The following PAK1IP1 variants were observed in gnomAD, a reference collection of about 807,000 sequenced individuals.
PAK1IP1 encodes the protein p21-activated protein kinase-interacting protein 1.
In PAK1IP1, 24 loss-of-function variants were observed where a neutral mutation model predicts 42.0. The ratio of observed to expected loss-of-function variants is 0.57; its 90% CI spans 0.41 to 0.80. The LOEUF is 0.80. Among genes scored for constraint, PAK1IP1 ranks in the 30% least tolerant of loss-of-function variants. The pLI is 0.00. For synonymous variants in PAK1IP1, 154 were observed against 156.7 expected, an observed-to-expected ratio of 0.98 and a Z score of 0.13; for missense variants, 411 against 467.9, an observed-to-expected ratio of 0.88 and a Z score of 1.12.
intron 2 of PAK1IP1, among the ~76,000 whole-genome samples, chr6:10,698,981 G>A (rs1287096236): frequency 2.6e-5 from 4 of 152,038 alleles, no homozygotes; most frequent in African/African-American, 4.8e-5. Flanking sequence ...TGGGCCGAGC[G>A]TGAGGTCAGG....
At chr6:10,698,776 A>C (rs73436183) in intron 2 of PAK1IP1, among the ~76,000 whole-genome samples, 12,327 of 152,254 alleles carry the variant, frequency 0.081, 1,490 homozygotes, top group African/African-American at 0.26. Flanking sequence ...TTCTGAGTTT[A>C]TTCAGTAATA....
At chr6:10,700,330 T>C (rs1394144658) in intron 2 of PAK1IP1, among the ~76,000 whole-genome samples, 1 of 152,170 alleles carries the variant, frequency 6.6e-6, no homozygotes, top group Non-Finnish European at 1.5e-5. Flanking sequence ...AGTGCTGGGA[T>C]TACAGGCGTG....
upstream of PAK1IP1, among the ~76,000 whole-genome samples, chr6:10,692,409 TG>T (rs1436694682): frequency 6.6e-6 from 1 of 152,240 alleles, no homozygotes; most frequent in African/African-American, 2.4e-5. Context: ...TTTGATTTTT[TG>T]TAACACAATG....
intron 8 of PAK1IP1, among the ~76,000 whole-genome samples, chr6:10,708,637 C>T (rs893297952): frequency 3.3e-5 from 5 of 150,788 alleles, no homozygotes; most frequent in Non-Finnish European, 7.4e-5. Context: ...CCATTAACTT[C>T]GTCATTTAAC....
At chr6:10,691,943 A>G (rs988206728), upstream of PAK1IP1, among the ~76,000 whole-genome samples, 12 of 152,228 alleles carry the variant, frequency 7.9e-5, no homozygotes, top group Non-Finnish European at 1.5e-4. Flanking sequence ...TTGGAACAAA[A>G]GTTACTTAAG....
chr6:10,709,159 A>G lies in PAK1IP1; in HGVS notation c.965-79A>G. The G allele has an allele frequency of 2.0e-6, 3 of 1,504,082 alleles. No homozygotes were observed. In the South Asian group the frequency reaches 3.6e-5, roughly 18 times the overall value. The allele number at this position is 1,504,082 out of a possible 1,614,324, so 93.2% of individuals were successfully genotyped here. A position where few individuals can be genotyped will look rare whatever the true frequency, so the allele number is the denominator to read the frequency against. On this transcript the variant is annotated intron_variant, in intron 9 of 9. Transcript: ENST00000379568. ...AAGTGGAGGAGATCCAGATAATTTC[A>G]CTTTATTGACAGCTTGTGTTTATTT... is the stretch of plus-strand genomic sequence containing the variant.
rs574340316 is a variant in PAK1IP1 at position 10,703,105 on chromosome 6, A to G, written c.444-300A>G. Among the ~76,000 whole-genome samples the G allele has an allele frequency of 3.5e-4, 53 of 152,262 alleles. No individual in the cohort carries two copies. The South Asian group carries it at 0.011, about 30-fold the overall frequency. ...CAGGCGTGAGCCACCACGCCCAGCCAACAAGCTCCGTTTTCAAACATGCAA... is the reference window on the plus strand; with the variant it reads ...CAGGCGTGAGCCACCACGCCCAGCCGACAAGCTCCGTTTTCAAACATGCAA... On this transcript the variant is annotated intron_variant, in intron 4 of 9. Coordinates refer to ENST00000379568, the MANE Select transcript of PAK1IP1 (RefSeq NM_017906.3).
Position 10,697,451 on chromosome 6 carries a change from A to G in PAK1IP1, c.212A>G (p.Lys71Arg), listed in dbSNP as rs1329060208. The G allele has an allele frequency of 6.2e-7, 1 of 1,614,120 alleles. No homozygotes were observed. The highest frequency in any genetic ancestry group is 2.2e-5 in the East Asian group (1 of 44,876). Residue 71 changes from lysine (K) to arginine (R), a missense_variant, in exon 2 of 10, where the codon AAG (lysine) becomes AGG (arginine). By Grantham distance (26) the Lys-to-Arg change is conservative. Transcript: ENST00000379568. The part of the protein sequence containing the change: ...DETIHIYDMK[K>R]KIEHGALVHH... ...ACAATTCACATTTATGACATGAAAA[A>G]GAAGATTGAGCATGGGGCTCTAGTG...
At chr6:10,706,390 A>G (rs1395744673) in intron 7 of PAK1IP1, among the ~76,000 whole-genome samples, 1 of 151,962 alleles carries the variant, frequency 6.6e-6, no homozygotes, top group African/African-American at 2.4e-5. Flanking sequence ...TTTTCTTACT[A>G]TGGAAAAATT....
intron 5 of PAK1IP1, among the ~76,000 whole-genome samples, 185 bp downstream of exon 5, chr6:10,703,642 AT>A (rs1281809426): frequency 6.6e-6 from 1 of 152,210 alleles, no homozygotes; most frequent in African/African-American, 2.4e-5. Context: ...ATTGTGTAAA[AT>A]TACCTTCCGG....
chr6:10,693,595 G>C (rs947800076), upstream of PAK1IP1, among the ~76,000 whole-genome samples: 4 of 152,212 alleles, frequency 2.6e-5, no homozygotes, highest in Non-Finnish European at 4.4e-5. Flanking sequence ...GAGAAGGATG[G>C]ACTATGCATC....
At chr6:10,696,402 GTT>G (rs1318797223) in intron 1 of PAK1IP1, among the ~76,000 whole-genome samples, 1 of 152,024 alleles carries the variant, frequency 6.6e-6, no homozygotes, top group Non-Finnish European at 1.5e-5. Context: ...AGTTTGATGG[GTT>G]TTTTTCTTTT....
chr6:10,692,096 CAG>C (rs376522718), upstream of PAK1IP1, among the ~76,000 whole-genome samples: 703 of 152,290 alleles, frequency 4.6e-3, 9 homozygotes, highest in African/African-American at 0.016. Context: ...GGTAAGGAGA[CAG>C]GGCACCAGGG....
chr6:10,704,053 C>T (rs1209260077), intron 5 of PAK1IP1, among the ~76,000 whole-genome samples: 1 of 151,786 alleles, frequency 6.6e-6, no homozygotes, highest in Non-Finnish European at 1.5e-5. Context: ...GATGGAGTCT[C>T]GCTCTATCAC....
chr6:10,709,241 G>C lies in PAK1IP1; in HGVS notation c.968G>C (p.Ser323Thr). Residue 323 changes from serine (S) to threonine (T), a missense_variant, in exon 10 of 10, where the codon AGT becomes ACT. Physicochemically the swap from Ser to Thr is moderately conservative, Grantham distance 58. Coordinates refer to ENST00000379568, the MANE Select transcript of PAK1IP1 (RefSeq NM_017906.3). ...AGCACTCTCTTTTGTGTTTTAGTAA[G>C]TAAAGAACAGTCCAAAATTGGCAAA... ...LPPAAEPSPV[S>T]KEQSKIGKKE... The C allele has an allele frequency of 1.2e-6, 2 of 1,607,234 alleles. No homozygotes were observed. Among genetic ancestry groups the C allele is most frequent in the Non-Finnish European group, 1.7e-6 (2 of 1,177,774 alleles).
intron 3 of PAK1IP1, 38 bp downstream of exon 3, chr6:10,702,527 C>T (rs1770060296): frequency 6.2e-7 from 1 of 1,613,950 alleles, no homozygotes; most frequent in Non-Finnish European, 8.5e-7. Context: ...TCTCGATGTG[C>T]CAGTCAAGTT....
chr6:10,702,162 C>T (rs1770044419), intron 2 of PAK1IP1, among the ~76,000 whole-genome samples: 1 of 151,716 alleles, frequency 6.6e-6, no homozygotes, highest in Non-Finnish European at 1.5e-5. Flanking sequence ...ATTGCTTGAA[C>T]CCAGGAGGCA....
chr6:10,706,725 A>C (rs1770212936), intron 7 of PAK1IP1, among the ~76,000 whole-genome samples: 1 of 152,062 alleles, frequency 6.6e-6, no homozygotes, highest in Admixed American at 6.6e-5. Context: ...TCTACTAAAA[A>C]TACAAAAATT....
chr6:10,704,964 C>T, intron 7 of PAK1IP1, 120 bp downstream of exon 7: 1 of 699,736 alleles, frequency 1.4e-6, no homozygotes. Flanking sequence ...GACATATCTA[C>T]ATGTACAGTA....
Sources: gnomAD v4.1 joint callset for allele counts (sites outside exome capture counted in the v4.1 genomes callset) on GRCh38, gnomAD v4.1.1 for gene constraint, MANE v1.5 for transcripts, NCBI Gene and HGNC (gene_info 2026-07-23, HGNC 2026-07-21) for gene names.